Variants in NCK2 observed in about 807,000 individuals in gnomAD.
The protein encoded by NCK2 is NCK adaptor protein 2.
A neutral mutation model predicts 33.9 loss-of-function variants in NCK2; 16 were observed. The observed-to-expected ratio is 0.47, with a 90% CI of 0.32 to 0.72. The LOEUF is 0.72. Among genes scored for constraint, NCK2 ranks in the 30% least tolerant of loss-of-function variants. NCK2 has a pLI of 0.03. For synonymous variants in NCK2, 273 were observed against 239.9 expected (o/e 1.14, Z -1.27); for missense variants, 418 against 537.3 (o/e 0.78, Z 2.19).
chr2:105,752,901 C>G (rs1011960689), intron 1 of NCK2, among the ~76,000 whole-genome samples: 2 of 152,184 alleles, frequency 1.3e-5, no homozygotes, highest in Non-Finnish European at 2.9e-5. Context: ...TTCTCTCCCA[C>G]ACGGACACAG....
intron 1 of NCK2, among the ~76,000 whole-genome samples, chr2:105,800,204 G>A (rs936132964): frequency 6.6e-6 from 1 of 152,178 alleles, no homozygotes; most frequent in African/African-American, 2.4e-5. Context: ...ACATGCCCAG[G>A]GTGAACACCA....
chr2:105,892,192 AAAAG>A (rs1180105225), intron 4 of NCK2, among the ~76,000 whole-genome samples: 1 of 152,196 alleles, frequency 6.6e-6, no homozygotes, highest in Non-Finnish European at 1.5e-5. Flanking sequence ...CTCAAAAAAA[AAAAG>A]AATTAGAAAA....
chr2:105,761,191 G>T (rs981581328), intron 1 of NCK2, among the ~76,000 whole-genome samples: 1 of 152,200 alleles, frequency 6.6e-6, no homozygotes, highest in African/African-American at 2.4e-5. Context: ...CTACCCGGGT[G>T]CTGGGAGGTT....
chr2:105,792,284 GATC>G (rs1159625283), intron 1 of NCK2, among the ~76,000 whole-genome samples: 1 of 152,150 alleles, frequency 6.6e-6, no homozygotes, highest in Non-Finnish European at 1.5e-5. Flanking sequence ...TAGTTATCAA[GATC>G]ATCATATTCA....
intron 1 of NCK2, among the ~76,000 whole-genome samples, chr2:105,797,390 C>A (rs956487798): frequency 6.6e-6 from 1 of 152,256 alleles, no homozygotes; most frequent in East Asian, 1.9e-4. Flanking sequence ...GCCAGCCATG[C>A]GGTTCCATAT....
intron 4 of NCK2, among the ~76,000 whole-genome samples, chr2:105,888,437 A>T (rs1678807122): frequency 6.6e-6 from 1 of 152,204 alleles, no homozygotes; most frequent in Non-Finnish European, 1.5e-5. Context: ...GGACAGTGGG[A>T]GGTAGCACAA....
At chr2:105,825,135 C>A (rs912083717) in intron 2 of NCK2, among the ~76,000 whole-genome samples, 2 of 152,112 alleles carry the variant, frequency 1.3e-5, no homozygotes, top group Admixed American at 6.5e-5. Flanking sequence ...CTCTGTGAGT[C>A]CATGCCTACC....
intron 2 of NCK2, among the ~76,000 whole-genome samples, chr2:105,817,277 A>G (rs533575454): frequency 2.0e-5 from 3 of 152,292 alleles, no homozygotes; most frequent in African/African-American, 7.2e-5. Context: ...GTATGTTACA[A>G]TAAAATCATA....
At chr2:105,833,843 A>G (rs1676291990) in intron 2 of NCK2, among the ~76,000 whole-genome samples, 1 of 152,104 alleles carries the variant, frequency 6.6e-6, no homozygotes, top group South Asian at 2.1e-4. Context: ...AGTTTTTGGT[A>G]TACTGTGTTT....
intron 1 of NCK2, among the ~76,000 whole-genome samples, 176 bp from the exon 2 acceptor site, chr2:105,816,250 GAAGT>G (rs1675482547): frequency 6.6e-6 from 1 of 152,184 alleles, no homozygotes; most frequent in African/African-American, 2.4e-5. Context: ...AAGTTGCCGT[GAAGT>G]AAGATCGTAC....
intron 2 of NCK2, among the ~76,000 whole-genome samples, chr2:105,843,620 C>A (rs1676734635): frequency 6.6e-6 from 1 of 152,102 alleles, no homozygotes; most frequent in Non-Finnish European, 1.5e-5. Context: ...TGATACGTCA[C>A]AGGGACACAG....
chr2:105,788,452 T>G (rs1690758714), intron 1 of NCK2, among the ~76,000 whole-genome samples: 1 of 152,184 alleles, frequency 6.6e-6, no homozygotes, highest in South Asian at 2.1e-4. Flanking sequence ...TCATACTCTA[T>G]CCAAATGAAC....
chr2:105,753,533 G>T (rs887645977), intron 1 of NCK2, among the ~76,000 whole-genome samples: 4 of 152,346 alleles, frequency 2.6e-5, no homozygotes, highest in Non-Finnish European at 5.9e-5. Flanking sequence ...TCATGCAGGT[G>T]CCATTGTAAA....
chr2:105,812,536 G>A (rs754867883), intron 1 of NCK2, among the ~76,000 whole-genome samples: 8 of 152,238 alleles, frequency 5.3e-5, no homozygotes, highest in South Asian at 4.1e-4. Flanking sequence ...TACTCTGAAC[G>A]GGAGATCCAC....
At chr2:105,795,454 G>A (rs1035975659) in intron 1 of NCK2, among the ~76,000 whole-genome samples, 6 of 152,146 alleles carry the variant, frequency 3.9e-5, no homozygotes, top group East Asian at 1.9e-4. Flanking sequence ...ATTTTGAAAC[G>A]GGTAATTATA....
At chr2:105,845,097 T>A (rs1397565713) in intron 2 of NCK2, among the ~76,000 whole-genome samples, 5 of 152,098 alleles carry the variant, frequency 3.3e-5, no homozygotes, top group African/African-American at 1.2e-4. Flanking sequence ...TAATCCACTC[T>A]CCCACTTCAA....
chr2:105,888,734 G>A (rs1176265010), intron 4 of NCK2, among the ~76,000 whole-genome samples: 1 of 152,156 alleles, frequency 6.6e-6, no homozygotes, highest in Non-Finnish European at 1.5e-5. Flanking sequence ...CTGCCTCTTT[G>A]CTCTCTCTTG....
chr2:105,746,283 G>C (rs1241256103), intron 1 of NCK2, among the ~76,000 whole-genome samples: 3 of 152,164 alleles, frequency 2.0e-5, no homozygotes, highest in African/African-American at 4.8e-5. Flanking sequence ...TCCGTCCCTC[G>C]ACCCAGAAAG....
chr2:105,889,364 T>G (rs1399891341), intron 4 of NCK2, among the ~76,000 whole-genome samples: 1 of 152,220 alleles, frequency 6.6e-6, no homozygotes, highest in Admixed American at 6.5e-5. Context: ...ATTCCCATCT[T>G]TTTCTGGTGA....
Sources: allele counts gnomAD v4.1 joint callset (sites outside exome capture counted in the v4.1 genomes callset), GRCh38; gene constraint gnomAD v4.1.1; transcripts MANE v1.5; gene names NCBI Gene and HGNC (gene_info 2026-07-23, HGNC 2026-07-21).